ROBO2: variants seen among roughly 807,000 people sequenced by gnomAD.
ROBO2 encodes the protein roundabout guidance receptor 2.
ROBO2 carries 53 observed loss-of-function variants against 160.8 expected under a neutral mutation model. That is an observed-to-expected ratio of 0.33 (90% CI 0.26 to 0.41). ROBO2 has a LOEUF of 0.41. Ranked by LOEUF, ROBO2 falls within the 10% of genes least tolerant of loss-of-function variation. The pLI, the probability that ROBO2 is intolerant of heterozygous loss-of-function variation, is 1.00. For missense variants in ROBO2, 1,577 were observed against 1,722.4 expected (o/e 0.92, Z 1.49); for synonymous variants, 664 against 611.7 (o/e 1.09, Z -1.26).
chr3:76,469,070 T>G (rs2078511965), intron 2 of ROBO2, among the ~76,000 whole-genome samples: 1 of 152,140 alleles, frequency 6.6e-6, no homozygotes, highest in Admixed American at 6.6e-5. Flanking sequence ...TTTTTACTTC[T>G]TTATTAATGA....
At chr3:76,096,706 T>A (rs1332198075) in intron 2 of ROBO2, among the ~76,000 whole-genome samples, 1 of 152,204 alleles carries the variant, frequency 6.6e-6, no homozygotes, top group Non-Finnish European at 1.5e-5. Context: ...ATTGTCTCAT[T>A]TAATCCTTAC....
At chr3:77,032,958 G>T (rs886726914) in intron 2 of ROBO2, among the ~76,000 whole-genome samples, 10 of 152,050 alleles carry the variant, frequency 6.6e-5, no homozygotes, top group African/African-American at 2.4e-4. Context: ...AGGATTCTTG[G>T]GTAACAATCA....
chr3:75,916,658 T>G (rs6549821), intron 1 of ROBO2, among the ~76,000 whole-genome samples: 1 of 152,090 alleles, frequency 6.6e-6, no homozygotes, highest in Non-Finnish European at 1.5e-5. Flanking sequence ...CAAAGATTGA[T>G]TTTCTTAAAG....
At position 77,469,220 on chromosome 3, in the gene ROBO2, T is replaced by A. The variant is rs116342672; in HGVS notation, c.389-8194T>A. Among the ~76,000 whole-genome samples the A allele has an allele frequency of 9.1e-3, 1,391 of 152,226 alleles. 24 individuals carry two copies. Among genetic ancestry groups the A allele is most frequent in the African/African-American group, 0.032 (1,340 of 41,520 alleles). ...TATAAAAGGAAACATACCTAGAAAG[T>A]CCAGAGTTAGCATAGTTTTCAGAAT... On this transcript the variant is annotated intron_variant, in intron 2 of 25. Transcript: ENST00000461745.
At chr3:76,734,426 C>A (rs575491695) in intron 2 of ROBO2, among the ~76,000 whole-genome samples, 1 of 152,088 alleles carries the variant, frequency 6.6e-6, no homozygotes, top group Admixed American at 6.6e-5. Flanking sequence ...AACTGTTTAA[C>A]GTTTTTGGTT....
chr3:76,500,666 G>A (rs182585202), intron 2 of ROBO2, among the ~76,000 whole-genome samples: 28 of 152,062 alleles, frequency 1.8e-4, no homozygotes, highest in Middle Eastern at 3.4e-3. Context: ...TGACAGCTCT[G>A]GAAAGCTCTC....
At chr3:77,235,246 G>A (rs1214638898) in intron 2 of ROBO2, among the ~76,000 whole-genome samples, 1 of 152,110 alleles carries the variant, frequency 6.6e-6, no homozygotes, top group Admixed American at 6.5e-5. Context: ...AGGCTGAACA[G>A]CATTCAATGC....
At chr3:76,272,846 A>ATAAAATATATAAAATATATATTATATT (rs1559705863) in intron 2 of ROBO2, among the ~76,000 whole-genome samples, 1 of 2,494 alleles carries the variant, frequency 4.0e-4, no homozygotes, top group African/African-American at 7.4e-4. Flanking sequence ...TATATTATAT[A>ATAAAATATATAAAATATATATTATATT]TTATATATAA....
intron 2 of ROBO2, among the ~76,000 whole-genome samples, chr3:77,126,777 AACT>A (rs2075357392): frequency 7.1e-6 from 1 of 140,216 alleles, no homozygotes; most frequent in African/African-American, 2.8e-5. Flanking sequence ...TTGATTTTGA[AACT>A]TCTTTTTTTT....
chr3:76,555,437 GGGAAGAGGAAGA>G (rs59350425), intron 2 of ROBO2, among the ~76,000 whole-genome samples: 107 of 52,510 alleles, frequency 2.0e-3, no homozygotes, highest in East Asian at 9.5e-3. Flanking sequence ...GAAGGGGAAG[GGGAAGAGGAAGA>G]GGAAGAGGAA....
At chr3:76,065,392 A>G (rs1007080785) in intron 2 of ROBO2, among the ~76,000 whole-genome samples, 4 of 152,092 alleles carry the variant, frequency 2.6e-5, no homozygotes, top group Admixed American at 2.0e-4. Flanking sequence ...AACTGTGTAT[A>G]TGATTCAAAA....
At chr3:76,202,046 A>C (rs1419540951) in intron 2 of ROBO2, among the ~76,000 whole-genome samples, 1 of 152,202 alleles carries the variant, frequency 6.6e-6, no homozygotes, top group Admixed American at 6.5e-5. Context: ...GCACTCATGC[A>C]TCAGTGACTG....
chr3:77,331,687 T>G (rs2153442511), intron 2 of ROBO2, among the ~76,000 whole-genome samples: 1 of 112,390 alleles, frequency 8.9e-6, no homozygotes, highest in East Asian at 2.7e-4. Flanking sequence ...AAAGGCCTAT[T>G]TATTTACTTA....
chr3:76,639,149 C>T (rs2090496766), intron 2 of ROBO2, among the ~76,000 whole-genome samples: 1 of 151,920 alleles, frequency 6.6e-6, no homozygotes, highest in African/African-American at 2.4e-5. Context: ...TGTATCTATA[C>T]ATATGTGCAT....
chr3:76,608,339 T>C (rs2087817974), intron 2 of ROBO2, among the ~76,000 whole-genome samples: 1 of 152,204 alleles, frequency 6.6e-6, no homozygotes, highest in Non-Finnish European at 1.5e-5. Context: ...TGTGGAGGAA[T>C]GAGTCTTGGC....
intron 23 of ROBO2, among the ~76,000 whole-genome samples, chr3:77,625,272 G>A (rs2094987383): frequency 6.6e-6 from 1 of 151,942 alleles, no homozygotes; most frequent in South Asian, 2.1e-4. Context: ...AACACCTATC[G>A]AATGCCTATT....
At chr3:76,503,000 ATG>A (rs76969660) in intron 2 of ROBO2, among the ~76,000 whole-genome samples, 36 of 143,130 alleles carry the variant, frequency 2.5e-4, no homozygotes, top group Non-Finnish European at 3.9e-4. Context: ...ATATATATAT[ATG>A]TGTGTGTGTG....
intron 2 of ROBO2, among the ~76,000 whole-genome samples, chr3:76,107,403 A>G (rs749438992): frequency 6.6e-6 from 1 of 152,122 alleles, no homozygotes; most frequent in Non-Finnish European, 1.5e-5. Context: ...ATATTATTCA[A>G]AATATACTCT....
intron 2 of ROBO2, among the ~76,000 whole-genome samples, chr3:77,182,919 T>C (rs1579729513): frequency 6.6e-6 from 1 of 152,190 alleles, no homozygotes; most frequent in African/African-American, 2.4e-5. Context: ...TATTTAAGCA[T>C]TTCTGTATGT....
Sources: allele counts gnomAD v4.1 joint callset (sites outside exome capture counted in the v4.1 genomes callset), GRCh38; gene constraint gnomAD v4.1.1; transcripts MANE v1.5; gene names NCBI Gene and HGNC (gene_info 2026-07-23, HGNC 2026-07-21).